Variants in WDPCP observed in about 807,000 individuals in gnomAD.
WDPCP encodes the protein WD repeat containing planar cell polarity effector.
A neutral mutation model predicts 93.1 loss-of-function variants in WDPCP; 71 were observed. That is an observed-to-expected ratio of 0.76 (90% CI 0.63 to 0.93). The LOEUF (loss-of-function observed/expected upper bound fraction) is 0.93, where lower values mean the gene tolerates loss of function less well. WDPCP is among the 40% of genes least tolerant of loss of function. WDPCP has a pLI of 0.00. For synonymous variants in WDPCP, 315 were observed against 315.0 expected (o/e 1.00, Z 0.00); for missense variants, 844 against 887.4 (o/e 0.95, Z 0.62).
intron 6 of WDPCP, among the ~76,000 whole-genome samples, chr2:63,466,845 A>T (rs1699374746): frequency 6.6e-6 from 1 of 152,204 alleles, no homozygotes. Context: ...AAATACGTGG[A>T]AGCTTCCAAA....
At chr2:63,628,911 G>A (rs1221598168) in intron 3 of WDPCP, among the ~76,000 whole-genome samples, 2 of 152,206 alleles carry the variant, frequency 1.3e-5, no homozygotes, top group Non-Finnish European at 2.9e-5. Flanking sequence ...ACCTAGTCTA[G>A]TGGTCCCACA....
At chr2:63,825,238 G>A (rs1284644190) in intron 1 of WDPCP, among the ~76,000 whole-genome samples, 4 of 152,078 alleles carry the variant, frequency 2.6e-5, no homozygotes, top group African/African-American at 9.7e-5. Context: ...CAAGAATACT[G>A]TGAAAAGGCC....
At chr2:63,196,780 A>G (rs1333504817) in intron 14 of WDPCP, among the ~76,000 whole-genome samples, 1 of 152,190 alleles carries the variant, frequency 6.6e-6, no homozygotes, top group African/African-American at 2.4e-5. Flanking sequence ...GCCACAAAGG[A>G]CATTTATTAG....
intron 13 of WDPCP, among the ~76,000 whole-genome samples, chr2:63,285,824 C>T (rs1035631174): frequency 6.6e-6 from 1 of 152,124 alleles, no homozygotes; most frequent in Non-Finnish European, 1.5e-5. Context: ...ACACTCCTCT[C>T]GAAGTAGTTG....
intron 14 of WDPCP, among the ~76,000 whole-genome samples, chr2:63,250,920 T>C (rs1314381126): frequency 1.1e-4 from 16 of 152,208 alleles, no homozygotes; most frequent in Admixed American, 1.0e-3. Flanking sequence ...CTCAATTTTT[T>C]GCAATTTATG....
chr2:63,136,512 C>T (rs948960810), intron 17 of WDPCP, among the ~76,000 whole-genome samples: 3 of 151,896 alleles, frequency 2.0e-5, no homozygotes, highest in Non-Finnish European at 4.4e-5. Flanking sequence ...GTGCATTTTA[C>T]GGGGGAGGGA....
intron 3 of WDPCP, among the ~76,000 whole-genome samples, chr2:63,621,589 G>A (rs971518640): frequency 6.6e-6 from 1 of 152,118 alleles, no homozygotes; most frequent in Non-Finnish European, 1.5e-5. Flanking sequence ...GAACCAAGTT[G>A]GAAAACACTC....
At chr2:63,402,587 T>C (rs961921616) in intron 10 of WDPCP, among the ~76,000 whole-genome samples, 2 of 152,164 alleles carry the variant, frequency 1.3e-5, no homozygotes, top group African/African-American at 2.4e-5. Flanking sequence ...TCAGTATCAC[T>C]GATTATTAGA....
At chr2:63,380,031 A>T (rs2104876821) in intron 11 of WDPCP, among the ~76,000 whole-genome samples, 1 of 152,270 alleles carries the variant, frequency 6.6e-6, no homozygotes, top group South Asian at 2.1e-4. Flanking sequence ...GATAATGCCC[A>T]TTTGTGTATT....
At chr2:63,761,936 G>C (rs1172432001) in intron 2 of WDPCP, among the ~76,000 whole-genome samples, 1 of 152,020 alleles carries the variant, frequency 6.6e-6, no homozygotes, top group African/African-American at 2.4e-5. Context: ...TTTGGGCTGG[G>C]GGTCTAGTTA....
chr2:63,198,746 G>A (rs1023505156), intron 14 of WDPCP, among the ~76,000 whole-genome samples: 1 of 152,158 alleles, frequency 6.6e-6, no homozygotes, highest in Non-Finnish European at 1.5e-5. Flanking sequence ...TTATAGCAGT[G>A]TGAGAAAGGA....
At chr2:63,641,279 T>C (rs118111283) in intron 3 of WDPCP, among the ~76,000 whole-genome samples, 1 of 152,216 alleles carries the variant, frequency 6.6e-6, no homozygotes, top group Non-Finnish European at 1.5e-5. Flanking sequence ...ACAATAAACA[T>C]GAGAGTGCAG....
chr2:63,794,432 T>C (rs539525649), intron 2 of WDPCP, among the ~76,000 whole-genome samples: 1 of 152,300 alleles, frequency 6.6e-6, no homozygotes, highest in South Asian at 2.1e-4. Context: ...GGAACAGATA[T>C]GTAACAGTAT....
intron 14 of WDPCP, among the ~76,000 whole-genome samples, chr2:63,192,825 G>C (rs1302567909): frequency 6.6e-6 from 1 of 152,168 alleles, no homozygotes; most frequent in Non-Finnish European, 1.5e-5. Context: ...GCCTTCAAAG[G>C]AGATATCCTT....
chr2:63,747,785 T>C (rs1436977123), intron 2 of WDPCP, among the ~76,000 whole-genome samples: 1 of 152,120 alleles, frequency 6.6e-6, no homozygotes, highest in Non-Finnish European at 1.5e-5. Flanking sequence ...TTTTAGAATA[T>C]GATGGTCATG....
chr2:63,565,265 G>A (rs1030504059), intron 1 of WDPCP, among the ~76,000 whole-genome samples: 1 of 152,076 alleles, frequency 6.6e-6, no homozygotes, highest in African/African-American at 2.4e-5. Context: ...AAAGTAATGC[G>A]TTATTTTTTA....
intron 6 of WDPCP, among the ~76,000 whole-genome samples, chr2:63,452,207 T>C (rs1209464137): frequency 6.6e-6 from 1 of 152,272 alleles, no homozygotes; most frequent in Non-Finnish European, 1.5e-5. Context: ...CGTCTCAGCC[T>C]AAAATTTCCT....
intron 6 of WDPCP, among the ~76,000 whole-genome samples, chr2:63,461,675 G>A (rs1258148955): frequency 1.3e-5 from 2 of 152,142 alleles, no homozygotes; most frequent in Non-Finnish European, 2.9e-5. Context: ...TTTTGTTGAT[G>A]TTATAATTTT....
chr2:63,506,458 G>T (rs147062987), intron 1 of WDPCP, among the ~76,000 whole-genome samples: 15 of 152,016 alleles, frequency 9.9e-5, no homozygotes, highest in African/African-American at 3.6e-4. Context: ...AAAGGCAAAG[G>T]AACTAGTGGC....
Sources: gnomAD v4.1 joint callset for allele counts (sites outside exome capture counted in the v4.1 genomes callset) on GRCh38, gnomAD v4.1.1 for gene constraint, MANE v1.5 for transcripts, NCBI Gene and HGNC (gene_info 2026-07-23, HGNC 2026-07-21) for gene names.